The following PRKCE variants were observed in gnomAD, a reference collection of about 807,000 sequenced individuals.
PRKCE encodes the protein protein kinase C epsilon.
A neutral mutation model predicts 85.4 loss-of-function variants in PRKCE; 16 were observed. The ratio of observed to expected loss-of-function variants is 0.19; its 90% CI spans 0.13 to 0.28. The LOEUF is 0.28. Among genes scored for constraint, PRKCE ranks in the 10% least tolerant of loss-of-function variants. The probability of loss-of-function intolerance (pLI) is 1.00; values close to 1 mark genes in which losing one functional copy is unlikely to be tolerated. For missense variants in PRKCE, 573 were observed against 975.2 expected (o/e 0.59, Z 5.49); for synonymous variants, 388 against 371.5 (o/e 1.04, Z -0.51).
At chr2:45,881,973 G>A (rs528610785) in intron 2 of PRKCE, among the ~76,000 whole-genome samples, 1 of 152,170 alleles carries the variant, frequency 6.6e-6, no homozygotes, top group Non-Finnish European at 1.5e-5. Context: ...GCCTTCCATT[G>A]GGTTTATGAG....
intron 1 of PRKCE, among the ~76,000 whole-genome samples, chr2:45,759,020 A>G (rs1684228869): frequency 6.6e-6 from 1 of 152,192 alleles, no homozygotes; most frequent in South Asian, 2.1e-4. Context: ...CTTCCGGGTC[A>G]TGCCTCCCAC....
At chr2:45,785,229 A>C (rs1243175627) in intron 1 of PRKCE, among the ~76,000 whole-genome samples, 2 of 152,318 alleles carry the variant, frequency 1.3e-5, no homozygotes, top group South Asian at 2.1e-4. Context: ...GGTGGCGCAC[A>C]CCTTTAATTC....
At chr2:45,864,197 C>A (rs1039352795) in intron 2 of PRKCE, among the ~76,000 whole-genome samples, 1 of 152,190 alleles carries the variant, frequency 6.6e-6, no homozygotes, top group Non-Finnish European at 1.5e-5. Context: ...TGGATACCCT[C>A]AACATCAGTC....
Position 46,045,878 on chromosome 2 carries a change from T to TA in PRKCE, c.1437+35371dup, listed in dbSNP as rs35016183. Among the ~76,000 whole-genome samples, 231 of 146,680 alleles carry TA rather than the reference T, an allele frequency of 1.6e-3. 1 individual carries two copies. The highest frequency in any genetic ancestry group is 6.8e-3 in the Middle Eastern group (2 of 292). On this transcript the variant is annotated intron_variant, in intron 10 of 14. Coordinates refer to ENST00000306156, the MANE Select transcript of PRKCE (RefSeq NM_005400.3). Reference sequence around the variant, plus strand: ...GCCCAGAGCAGAACTCTGTCTCAAATAAAAAAAAAAGAAGAAGAAAGAAAA... The same window carrying TA: ...GCCCAGAGCAGAACTCTGTCTCAAATAAAAAAAAAAAGAAGAAGAAAGAAAA...
chr2:45,841,875 T>G (rs1294807655), intron 1 of PRKCE, among the ~76,000 whole-genome samples: 1 of 152,230 alleles, frequency 6.6e-6, no homozygotes, highest in Non-Finnish European at 1.5e-5. Flanking sequence ...GCTAAATGCT[T>G]GCCTGCTCTT....
rs868129995 is a variant in PRKCE, at chr2:46,162,721, G to C, written c.2067+2969G>C. On this transcript the variant is annotated intron_variant, in intron 14 of 14. Coordinates refer to ENST00000306156, the MANE Select transcript of PRKCE (RefSeq NM_005400.3). ...ATCCTTAGAGAGTTCTCAGCTGCAG[G>C]TCTTTCAAGACTTCTTCAAGTTATT... Among the ~76,000 whole-genome samples the C allele has an allele frequency of 3.3e-5, 5 of 152,292 alleles. No homozygotes were observed. In the South Asian group the frequency reaches 1.0e-3, roughly 32 times the overall value.
intron 1 of PRKCE, among the ~76,000 whole-genome samples, chr2:45,689,901 CAA>C (rs559521203): frequency 2.0e-3 from 162 of 81,962 alleles, no homozygotes; most frequent in African/African-American, 4.8e-3. Flanking sequence ...GACTCCATCT[CAA>C]AAAAAAAAAA....
intron 6 of PRKCE, among the ~76,000 whole-genome samples, chr2:45,998,960 A>G (rs1704445372): frequency 6.6e-6 from 1 of 152,186 alleles, no homozygotes; most frequent in Non-Finnish European, 1.5e-5. Context: ...TTATAATAAC[A>G]AAATTATCCT....
intron 1 of PRKCE, among the ~76,000 whole-genome samples, chr2:45,834,427 A>G (rs980091686): frequency 1.3e-5 from 2 of 152,250 alleles, no homozygotes; most frequent in African/African-American, 4.8e-5. Context: ...AGCTCAGAAC[A>G]CAATTTTGTA....
intron 1 of PRKCE, among the ~76,000 whole-genome samples, chr2:45,663,574 G>C (rs1675774967): frequency 6.6e-6 from 1 of 152,180 alleles, no homozygotes; most frequent in Non-Finnish European, 1.5e-5. Flanking sequence ...ACAAGGTCAA[G>C]AGATCGAGAC....
rs1185176089 is a variant in PRKCE, at chr2:45,661,510, TG to T, written c.348+9063del. ...GCTTCAAGAAGAGTTTTTTTTGTTT[TG>T]TTTTGTTTTTTGTTTTTTGTTTTTT... On this transcript the variant is annotated intron_variant, in intron 1 of 14. Transcript: ENST00000306156. Among the ~76,000 whole-genome samples the T allele has an allele frequency of 7.0e-3, 984 of 139,992 alleles. 32 individuals carry two copies. Among genetic ancestry groups the T allele is most frequent in the African/African-American group, 0.025 (942 of 37,408 alleles). The allele number at this position is 139,992 out of a possible 152,430, so 91.8% of individuals were successfully genotyped here. A position where few individuals can be genotyped will look rare whatever the true frequency, so the allele number is the denominator to read the frequency against.
At chr2:45,805,731 G>C (rs1688194540) in intron 1 of PRKCE, among the ~76,000 whole-genome samples, 1 of 151,904 alleles carries the variant, frequency 6.6e-6, no homozygotes, top group Admixed American at 6.6e-5. Flanking sequence ...CAAGTAGCTG[G>C]GATTACAGGC....
chr2:46,178,353 ACT>A (rs1679642629), intron 14 of PRKCE, among the ~76,000 whole-genome samples: 1 of 152,236 alleles, frequency 6.6e-6, no homozygotes, highest in Non-Finnish European at 1.5e-5. Flanking sequence ...TGACCTGTTT[ACT>A]GTAAAGAAAA....
At chr2:45,949,499 A>G (rs1048384952) in intron 2 of PRKCE, among the ~76,000 whole-genome samples, 1 of 144,126 alleles carries the variant, frequency 6.9e-6, no homozygotes, top group Non-Finnish European at 1.5e-5. Flanking sequence ...ACATGTTGCA[A>G]ATGTCTTTTC....
chr2:45,834,674 G>A (rs1012829701), intron 1 of PRKCE, among the ~76,000 whole-genome samples: 45 of 152,258 alleles, frequency 3.0e-4, no homozygotes, highest in African/African-American at 1.1e-3. Flanking sequence ...AACTTACGGT[G>A]TGTTGCTTTA....
intron 10 of PRKCE, among the ~76,000 whole-genome samples, chr2:46,019,847 C>CTTTTTTTT (rs869079304): frequency 1.0e-4 from 11 of 105,912 alleles, no homozygotes; most frequent in South Asian, 3.3e-4. Flanking sequence ...TTGGTTTTCT[C>CTTTTTTTT]TTTTTTTTTT....
intron 10 of PRKCE, among the ~76,000 whole-genome samples, chr2:46,012,680 C>G (rs1350887069): frequency 6.6e-6 from 1 of 152,096 alleles, no homozygotes; most frequent in Admixed American, 6.5e-5. Context: ...CTATGGAGCC[C>G]CTGTACGTGG....
chr2:46,171,725 CA>C (rs1678918657), intron 14 of PRKCE, among the ~76,000 whole-genome samples: 1 of 152,170 alleles, frequency 6.6e-6, no homozygotes, highest in African/African-American at 2.4e-5. Flanking sequence ...TTGAAGGCAT[CA>C]AAGCACTGGC....
chr2:45,655,846 G>GA (rs34853762), intron 1 of PRKCE, among the ~76,000 whole-genome samples: 6,018 of 66,226 alleles, frequency 0.091, 317 homozygotes, highest in East Asian at 0.21. Flanking sequence ...CCTGTCTCTT[G>GA]AAAAAAAAAA....
Sources: allele counts gnomAD v4.1 joint callset (sites outside exome capture counted in the v4.1 genomes callset), GRCh38; gene constraint gnomAD v4.1.1; transcripts MANE v1.5; gene names NCBI Gene and HGNC (gene_info 2026-07-23, HGNC 2026-07-21).